Variants in RIN3 observed in about 807,000 individuals in gnomAD.
RIN3 encodes the protein Ras and Rab interactor 3, also known as RAB5 interacting protein 3.
Under a neutral mutation model 76.3 loss-of-function variants are expected in RIN3, and 54 were observed. The ratio of observed to expected loss-of-function variants is 0.71; its 90% confidence interval spans 0.57 to 0.89. The LOEUF (loss-of-function observed/expected upper bound fraction) is 0.89. RIN3 is among the 40% of genes least tolerant of loss of function. The probability of loss-of-function intolerance (pLI) is 0.00; values close to 1 mark genes in which losing one functional copy is unlikely to be tolerated. For synonymous variants in RIN3, 576 were observed against 564.0 expected (o/e 1.02, Z -0.30); for missense variants, 1,256 against 1,322.1 (o/e 0.95, Z 0.78).
intron 1 of RIN3, among the ~76,000 whole-genome samples, chr14:92,546,151 G>A (rs541736770): frequency 3.3e-4 from 50 of 152,068 alleles, no homozygotes; most frequent in African/African-American, 1.1e-3. Context: ...TCTTGAACTC[G>A]TGACCTCAAA....
chr14:92,537,984 C>A (rs1233614309), intron 1 of RIN3, among the ~76,000 whole-genome samples: 2 of 152,040 alleles, frequency 1.3e-5, no homozygotes, highest in African/African-American at 4.8e-5. Context: ...CTACAGGCGC[C>A]CGCCTGGCTT....
intron 6 of RIN3, among the ~76,000 whole-genome samples, chr14:92,655,039 C>T (rs1239338530): frequency 6.6e-6 from 1 of 152,064 alleles, no homozygotes; most frequent in Non-Finnish European, 1.5e-5. Context: ...GTGGCGCGCA[C>T]CTGTAATCCC....
intron 1 of RIN3, among the ~76,000 whole-genome samples, chr14:92,516,900 ATCT>A (rs1228882298): frequency 3.9e-5 from 6 of 152,144 alleles, no homozygotes; most frequent in Non-Finnish European, 8.8e-5. Context: ...CCAGGAATTG[ATCT>A]CAGCTGGAAG....
chr14:92,557,272 G>A (rs1046665382), intron 2 of RIN3, among the ~76,000 whole-genome samples: 6 of 152,238 alleles, frequency 3.9e-5, no homozygotes, highest in East Asian at 3.9e-4. Context: ...AGGCAACTGC[G>A]ATGCAAAGGC....
intron 6 of RIN3, among the ~76,000 whole-genome samples, chr14:92,657,313 A>G (rs1490051334): frequency 6.6e-6 from 1 of 151,970 alleles, no homozygotes; most frequent in Non-Finnish European, 1.5e-5. Context: ...GTGAGCCAAG[A>G]TCACACTACT....
intron 7 of RIN3, among the ~76,000 whole-genome samples, chr14:92,670,556 C>T (rs947049263): frequency 3.9e-5 from 6 of 152,186 alleles, no homozygotes; most frequent in African/African-American, 9.7e-5. Flanking sequence ...GGACCCAGTG[C>T]GTTTAAACAA....
intron 2 of RIN3, among the ~76,000 whole-genome samples, chr14:92,576,651 A>G (rs534480196): frequency 1.2e-4 from 19 of 152,276 alleles, no homozygotes; most frequent in African/African-American, 3.8e-4. Flanking sequence ...TAACTCAGTC[A>G]GTCATCACAC....
chr14:92,565,617 G>T (rs1400990869), intron 2 of RIN3, among the ~76,000 whole-genome samples: 1 of 152,106 alleles, frequency 6.6e-6, no homozygotes, highest in Non-Finnish European at 1.5e-5. Context: ...GACTATATAG[G>T]GTAACTTCTT....
intron 4 of RIN3, among the ~76,000 whole-genome samples, chr14:92,625,822 A>T (rs1886331911): frequency 6.6e-6 from 1 of 152,196 alleles, no homozygotes; most frequent in South Asian, 2.1e-4. Context: ...GGTGGATAGC[A>T]TAAGTTTCAT....
chr14:92,640,958 C>T (rs1210392814), intron 4 of RIN3, among the ~76,000 whole-genome samples: 2 of 152,136 alleles, frequency 1.3e-5, no homozygotes, highest in Admixed American at 6.5e-5. Flanking sequence ...GAGGAGCTGG[C>T]CTGGGCTCAG....
intron 1 of RIN3, among the ~76,000 whole-genome samples, chr14:92,529,406 G>A (rs1053546916): frequency 6.6e-6 from 1 of 151,710 alleles, no homozygotes; most frequent in Non-Finnish European, 1.5e-5. Context: ...GTGCCACCAC[G>A]CCCGGCTAAT....
intron 4 of RIN3, among the ~76,000 whole-genome samples, chr14:92,618,932 CTTATA>C (rs1190614690): frequency 6.6e-6 from 1 of 152,156 alleles, no homozygotes; most frequent in African/African-American, 2.4e-5. Flanking sequence ...TAACATTAGA[CTTATA>C]TTATCTTGGA....
chr14:92,534,599 AC>A (rs60254404), intron 1 of RIN3, among the ~76,000 whole-genome samples: 29 of 149,306 alleles, frequency 1.9e-4, no homozygotes, highest in African/African-American at 6.9e-4. Context: ...AAAAAAAAAA[AC>A]AAAAAGAAAG....
At chr14:92,625,674 C>T (rs1886326613) in intron 4 of RIN3, among the ~76,000 whole-genome samples, 1 of 152,158 alleles carries the variant, frequency 6.6e-6, no homozygotes, top group African/African-American at 2.4e-5. Context: ...TTTGACCTTG[C>T]TCCCCCATAC....
chr14:92,660,252 T>C (rs1887832624), intron 7 of RIN3, among the ~76,000 whole-genome samples: 2 of 152,252 alleles, frequency 1.3e-5, no homozygotes, highest in African/African-American at 4.8e-5. Flanking sequence ...CGTGGGCTTA[T>C]TCATGGATCT....
Position 92,652,593 on chromosome 14 carries a change from C to T in RIN3, c.1544C>T (p.Ala515Val), listed in dbSNP as rs765551845. ...ASQAGTQHPPAQATAHSQSSP... is the reference protein window; with the variant it reads ...ASQAGTQHPPVQATAHSQSSP... ...CAGGCTGGGACTCAGCACCCTCCTG[C>T]CCAGGCCACTGCCCATTCCCAGAGC... The change falls in exon 6 of 10, where the codon GCC becomes GTC. Residue 515 changes from alanine to valine, a missense_variant. By Grantham distance (64) the Ala-to-Val change is moderately conservative. Transcript: ENST00000216487. This position sits in a 1 kb window ranked among gnomAD's most constrained non-coding sequence, Gnocchi z 6.4. The T allele has an allele frequency of 8.7e-6, 14 of 1,611,496 alleles. No homozygotes were observed. Among genetic ancestry groups the T allele is most frequent in the Non-Finnish European group, 1.2e-5 (14 of 1,179,848 alleles).
At chr14:92,537,209 A>G (rs925614907) in intron 1 of RIN3, among the ~76,000 whole-genome samples, 3 of 152,146 alleles carry the variant, frequency 2.0e-5, no homozygotes, top group African/African-American at 7.2e-5. Context: ...TAAGTGGTTA[A>G]TATCTCCTTA....
intron 3 of RIN3, among the ~76,000 whole-genome samples, chr14:92,602,984 T>C (rs1285968541): frequency 6.6e-6 from 1 of 152,224 alleles, no homozygotes; most frequent in Non-Finnish European, 1.5e-5. Context: ...CCATGGCTGC[T>C]GAGTGCTCCC....
chr14:92,654,652 T>C (rs1887597778), intron 6 of RIN3, among the ~76,000 whole-genome samples: 1 of 152,204 alleles, frequency 6.6e-6, no homozygotes, highest in Non-Finnish European at 1.5e-5. Context: ...GGATTCATGA[T>C]GGCGTTTCAG....
Sources: gnomAD v4.1 joint callset for allele counts (sites outside exome capture counted in the v4.1 genomes callset) on GRCh38, gnomAD v4.1.1 for gene constraint, Gnocchi (gnomAD v3.1) non-coding constraint, MANE v1.5 for transcripts, NCBI Gene and HGNC (gene_info 2026-07-23, HGNC 2026-07-21) for gene names.